NXN: variants seen among roughly 807,000 people sequenced by gnomAD.
The protein encoded by NXN is nucleoredoxin 1.
A neutral mutation model predicts 48.6 loss-of-function variants in NXN; 16 were observed. That is an observed-to-expected ratio of 0.33 (90% CI 0.22 to 0.50). The LOEUF is 0.50. Ranked by LOEUF, NXN falls within the 20% of genes least tolerant of loss-of-function variation. The probability of loss-of-function intolerance (pLI) is 0.98; values close to 1 mark genes in which losing one functional copy is unlikely to be tolerated. For missense variants in NXN, 492 were observed against 605.5 expected (o/e 0.81, Z 1.97); for synonymous variants, 281 against 269.6 (o/e 1.04, Z -0.41).
chr17:859,541 C>A (rs1382768368), intron 1 of NXN, among the ~76,000 whole-genome samples: 1 of 152,112 alleles, frequency 6.6e-6, no homozygotes, highest in Non-Finnish European at 1.5e-5. Flanking sequence ...GGGATTAGGA[C>A]CAGATAATCT....
At position 800,866 on chromosome 17, in the gene NXN, TG is replaced by T; in HGVS notation, c.*82del. The T allele has an allele frequency of 1.0e-6, 1 of 993,992 alleles. No individual in the cohort carries two copies. Among genetic ancestry groups the T allele is most frequent in the Non-Finnish European group, 1.4e-6 (1 of 740,356 alleles). 61.6% of individuals were successfully genotyped at this position (993,992 alleles called of 1,614,324 possible). On this transcript the variant is annotated 3_prime_UTR_variant, in exon 8 of 8. Coordinates refer to ENST00000336868, the MANE Select transcript of NXN (RefSeq NM_022463.5). Reference sequence around the variant, plus strand: ...TTGGGTGGTGGGATTCGGGGCACGCTGGGTAAGTCCAAGGGCGGAAGGAAGG... The same window carrying T: ...TTGGGTGGTGGGATTCGGGGCACGCTGGTAAGTCCAAGGGCGGAAGGAAGG...
chr17:945,012 C>G (rs1232575840), intron 1 of NXN, among the ~76,000 whole-genome samples: 1 of 152,078 alleles, frequency 6.6e-6, no homozygotes, highest in Non-Finnish European at 1.5e-5. Context: ...GAGGAGAATT[C>G]TCACAAGGGT....
In NXN at chr17:825,866, T is replaced by C; in HGVS notation, c.478+95A>G. 2.6e-6 allele frequency: 2 copies of C among 763,088 alleles called. No homozygotes were observed. Among genetic ancestry groups the C allele is most frequent in the Non-Finnish European group, 4.5e-6 (2 of 447,728 alleles). The allele number at this position is 763,088 out of a possible 1,614,324, so 47.3% of individuals were successfully genotyped here. A position where few individuals can be genotyped will look rare whatever the true frequency, so the allele number is the denominator to read the frequency against. ...AACCCACGTGTATCTATTTCACCAGTACTCTCTCCACCGGTGGGACGGAGA... is the reference window on the plus strand; with the variant it reads ...AACCCACGTGTATCTATTTCACCAGCACTCTCTCCACCGGTGGGACGGAGA... On this transcript the variant is annotated intron_variant, in intron 2 of 7. Coordinates refer to ENST00000336868, the MANE Select transcript of NXN (RefSeq NM_022463.5). This position sits in a 1 kb window ranked among gnomAD's most constrained non-coding sequence, Gnocchi z 4.1.
chr17:810,303 CTGTGAGTGGTGTGCA>C (rs1911904069), intron 5 of NXN, among the ~76,000 whole-genome samples: 3 of 95,342 alleles, frequency 3.1e-5, no homozygotes, highest in Non-Finnish European at 7.1e-5. Context: ...CGTTACGAGT[CTGTGAGTGGTGTGCA>C]CGTTACGAGT....
At chr17:916,082 C>T (rs1382676108) in intron 1 of NXN, among the ~76,000 whole-genome samples, 2 of 152,170 alleles carry the variant, frequency 1.3e-5, no homozygotes, top group African/African-American at 4.8e-5. Context: ...ACTCAAATGT[C>T]GAATGAAAAG....
At chr17:813,517 G>T (rs1010782614) in intron 5 of NXN, among the ~76,000 whole-genome samples, 1 of 152,266 alleles carries the variant, frequency 6.6e-6, no homozygotes, top group South Asian at 2.1e-4. Flanking sequence ...TCCCTGGAAT[G>T]ATATAATGAT....
At chr17:828,833 A>G (rs11649975) in intron 1 of NXN, among the ~76,000 whole-genome samples, 105,950 of 151,978 alleles carry the variant, frequency 0.7, 38,292 homozygotes, top group African/African-American at 0.89. Context: ...AGTTTGCTGT[A>G]CAAGGACTGA....
chr17:947,891 A>G (rs2069063725), intron 1 of NXN, among the ~76,000 whole-genome samples: 1 of 150,132 alleles, frequency 6.7e-6, no homozygotes, highest in Non-Finnish European at 1.5e-5. Flanking sequence ...TACAAAAAAA[A>G]AAAAAAAAAA....
At chr17:883,622 G>A (rs1052606623) in intron 1 of NXN, among the ~76,000 whole-genome samples, 2 of 152,246 alleles carry the variant, frequency 1.3e-5, no homozygotes, top group African/African-American at 4.8e-5. Context: ...TGGAAGGGCA[G>A]AAATGCCCAG....
intron 5 of NXN, among the ~76,000 whole-genome samples, chr17:811,984 G>A (rs1912055338): frequency 7.0e-6 from 1 of 143,226 alleles, no homozygotes; most frequent in Non-Finnish European, 1.5e-5. Context: ...CTGGAGTGCA[G>A]TGGCAAGATC....
At chr17:977,312 G>A (rs1247690255) in intron 1 of NXN, among the ~76,000 whole-genome samples, 1 of 152,206 alleles carries the variant, frequency 6.6e-6, no homozygotes, top group Non-Finnish European at 1.5e-5. Context: ...ACGCACCAGG[G>A]TTTGGGCACG....
At chr17:977,203 G>A (rs1027721280) in intron 1 of NXN, among the ~76,000 whole-genome samples, 5 of 152,134 alleles carry the variant, frequency 3.3e-5, no homozygotes, top group African/African-American at 1.2e-4. Flanking sequence ...ACCAAGGAAA[G>A]AAACTACCTC....
chr17:896,990 G>A (rs556617207), intron 1 of NXN: 6 of 1,158,944 alleles, frequency 5.2e-6, no homozygotes, highest in Admixed American at 4.4e-5. Context: ...GAAAGTCCCC[G>A]CGGCAGATAC....
At chr17:970,667 T>G (rs1299024783) in intron 1 of NXN, among the ~76,000 whole-genome samples, 1 of 152,188 alleles carries the variant, frequency 6.6e-6, no homozygotes, top group Non-Finnish European at 1.5e-5. Flanking sequence ...TTTTTTAAGG[T>G]ACAATTCCGT....
At chr17:927,700 G>A (rs2068815089) in intron 1 of NXN, among the ~76,000 whole-genome samples, 1 of 151,976 alleles carries the variant, frequency 6.6e-6, no homozygotes, top group Admixed American at 6.6e-5. Flanking sequence ...TGCGGGAGGA[G>A]CAGAAGGAGG....
chr17:801,881 C>T (rs1911233276), intron 7 of NXN, among the ~76,000 whole-genome samples: 1 of 152,224 alleles, frequency 6.6e-6, no homozygotes, highest in Non-Finnish European at 1.5e-5. Flanking sequence ...TGTGTTCCAA[C>T]TCCCACCCCT....
chr17:802,799 G>A (rs761320889), intron 7 of NXN, among the ~76,000 whole-genome samples: 66 of 152,222 alleles, frequency 4.3e-4, no homozygotes, highest in Non-Finnish European at 1.2e-4. Flanking sequence ...GGCACAGGGT[G>A]TCTGGCTGCC....
chr17:940,103 A>AT (rs554159323), intron 1 of NXN, among the ~76,000 whole-genome samples: 67 of 150,724 alleles, frequency 4.4e-4, no homozygotes, highest in Non-Finnish European at 6.7e-4. Flanking sequence ...CAGCTAACTA[A>AT]TTTTTGTATT....
intron 5 of NXN, among the ~76,000 whole-genome samples, chr17:808,574 T>C (rs7219109): frequency 0.22 from 33,806 of 151,852 alleles, 8,590 homozygotes; most frequent in African/African-American, 0.62. Flanking sequence ...AGATAACAGG[T>C]GTGAACCACC....
Sources: allele counts gnomAD v4.1 joint callset (sites outside exome capture counted in the v4.1 genomes callset), GRCh38; gene constraint gnomAD v4.1.1; non-coding constraint Gnocchi (gnomAD v3.1); transcripts MANE v1.5; gene names NCBI Gene and HGNC (gene_info 2026-07-23, HGNC 2026-07-21).